Variants in CLVS1 observed in about 807,000 individuals in gnomAD.
The protein encoded by CLVS1 is clavesin-1.
A neutral mutation model predicts 33.1 loss-of-function variants in CLVS1; 10 were observed. The observed-to-expected ratio is 0.30, with a 90% CI of 0.19 to 0.51. The LOEUF (loss-of-function observed/expected upper bound fraction) is 0.51, where lower values mean the gene tolerates loss of function less well. Among genes scored for constraint, CLVS1 ranks in the 20% least tolerant of loss-of-function variants. CLVS1 has a pLI of 0.97. For missense variants in CLVS1, 343 were observed against 433.4 expected (o/e 0.79, Z 1.85); for synonymous variants, 163 against 166.1 (o/e 0.98, Z 0.14).
intron 1 of CLVS1, among the ~76,000 whole-genome samples, chr8:61,068,441 G>A (rs911100707): frequency 1.1e-4 from 16 of 151,784 alleles, no homozygotes; most frequent in African/African-American, 2.4e-4. Flanking sequence ...TGCTGGGTGC[G>A]TAGGAACCTC....
intron 2 of CLVS1, among the ~76,000 whole-genome samples, chr8:61,186,700 G>T (rs1368571883): frequency 1.3e-5 from 2 of 151,890 alleles, no homozygotes; most frequent in Non-Finnish European, 2.9e-5. Context: ...GAGGGAGAGA[G>T]AAAAAGAGAC....
At chr8:61,147,687 T>C (rs950145604) in intron 2 of CLVS1, among the ~76,000 whole-genome samples, 14 of 152,224 alleles carry the variant, frequency 9.2e-5, no homozygotes, top group African/African-American at 3.4e-4. Flanking sequence ...CTGTTTTCCA[T>C]TTAAATATTT....
rs559646174 is a variant in CLVS1, at chr8:61,480,789, G to C, written c.978-18666G>C. Among the ~76,000 whole-genome samples the C allele has an allele frequency of 2.6e-5, 4 of 152,166 alleles. No individual in the cohort carries two copies. In the South Asian group the frequency reaches 8.3e-4, roughly 32 times the overall value. On this transcript the variant is annotated intron_variant, in intron 5 of 5. Coordinates refer to ENST00000325897, the MANE Select transcript of CLVS1 (RefSeq NM_173519.3). ...GTACAGAAGGGTTTTTAGGTAAGATGATACAGACGTGCATGGGCTTGAAAT... is the reference window on the plus strand; with the variant it reads ...GTACAGAAGGGTTTTTAGGTAAGATCATACAGACGTGCATGGGCTTGAAAT...
intron 5 of CLVS1, among the ~76,000 whole-genome samples, chr8:61,495,923 G>A (rs1431965784): frequency 6.6e-6 from 1 of 152,228 alleles, no homozygotes; most frequent in African/African-American, 2.4e-5. Flanking sequence ...AATCTGGCTA[G>A]CCTTGGCTGG....
At chr8:61,386,980 A>G (rs897024395) in intron 3 of CLVS1, among the ~76,000 whole-genome samples, 3 of 152,254 alleles carry the variant, frequency 2.0e-5, no homozygotes, top group Admixed American at 6.5e-5. Flanking sequence ...TTTGAGGCCA[A>G]CTAAAGACCT....
chr8:61,227,410 C>A (rs553912099), intron 2 of CLVS1, among the ~76,000 whole-genome samples: 1 of 152,052 alleles, frequency 6.6e-6, no homozygotes, highest in South Asian at 2.1e-4. Context: ...TTGATGTACC[C>A]TGAGCTGAAA....
intron 2 of CLVS1, among the ~76,000 whole-genome samples, chr8:61,209,464 G>A (rs946782877): frequency 2.6e-5 from 4 of 152,180 alleles, no homozygotes; most frequent in African/African-American, 4.8e-5. Context: ...CCATAAGCAC[G>A]GTGACCTGCT....
chr8:61,490,859 G>A (rs1042136967), intron 5 of CLVS1, among the ~76,000 whole-genome samples: 56 of 150,184 alleles, frequency 3.7e-4, no homozygotes, highest in African/African-American at 1.3e-3. Context: ...TCTACTTGAG[G>A]CTGAAGCAGG....
chr8:61,307,070 G>A (rs1031436486), intron 2 of CLVS1, among the ~76,000 whole-genome samples: 1 of 152,200 alleles, frequency 6.6e-6, no homozygotes, highest in African/African-American at 2.4e-5. Flanking sequence ...GGTTGTTGGT[G>A]AATCCAGATA....
intron 1 of CLVS1, among the ~76,000 whole-genome samples, chr8:61,100,559 A>G (rs1194661775): frequency 6.6e-6 from 1 of 152,222 alleles, no homozygotes; most frequent in Admixed American, 6.5e-5. Flanking sequence ...AAAACAGCTT[A>G]ATTGAGATAT....
At chr8:61,377,573 A>G (rs903351153) in intron 3 of CLVS1, 4 of 152,210 alleles carry the variant, frequency 2.6e-5, no homozygotes, top group Admixed American at 2.6e-4. Context: ...ATAGGCAGCT[A>G]TGTATATAGC....
At chr8:61,480,614 C>T (rs530606512) in intron 5 of CLVS1, among the ~76,000 whole-genome samples, 24 of 152,250 alleles carry the variant, frequency 1.6e-4, no homozygotes, top group South Asian at 8.3e-4. Flanking sequence ...CGGCACTCCC[C>T]AGTGAGATGA....
At chr8:61,135,326 C>T (rs904927271) in intron 2 of CLVS1, among the ~76,000 whole-genome samples, 9 of 152,008 alleles carry the variant, frequency 5.9e-5, no homozygotes, top group Admixed American at 3.3e-4. Context: ...AAGAGTGGAG[C>T]ACTTGATTTA....
chr8:61,383,213 C>T (rs776133799), intron 3 of CLVS1, among the ~76,000 whole-genome samples: 10 of 152,214 alleles, frequency 6.6e-5, no homozygotes, highest in African/African-American at 1.4e-4. Context: ...CACCTGCCCA[C>T]GCAGTGACAC....
intron 3 of CLVS1, among the ~76,000 whole-genome samples, chr8:61,393,177 C>T (rs1049810815): frequency 6.6e-6 from 1 of 152,122 alleles, no homozygotes; most frequent in African/African-American, 2.4e-5. Context: ...CCACCACACC[C>T]GGCTGAATTC....
chr8:60,989,575 G>A, the CLVS1 span, among the ~76,000 whole-genome samples: 1 of 152,132 alleles, frequency 6.6e-6, no homozygotes, highest in Non-Finnish European at 1.5e-5. Context: ...ATGTGCTATT[G>A]CTCTAGTCTG....
chr8:61,089,186 AC>A (rs2129284040), intron 1 of CLVS1, among the ~76,000 whole-genome samples: 1 of 152,304 alleles, frequency 6.6e-6, no homozygotes, highest in African/African-American at 2.4e-5. Context: ...ATGGCTAATA[AC>A]CCTATTTTTC....
At chr8:61,452,197 T>C (rs1373251385) in intron 3 of CLVS1, among the ~76,000 whole-genome samples, 1 of 152,238 alleles carries the variant, frequency 6.6e-6, no homozygotes, top group Non-Finnish European at 1.5e-5. Context: ...CTTTGATGAT[T>C]GAGGCTTCAT....
At chr8:61,087,911 C>A (rs1805155192) in intron 1 of CLVS1, among the ~76,000 whole-genome samples, 1 of 152,158 alleles carries the variant, frequency 6.6e-6, no homozygotes, top group South Asian at 2.1e-4. Context: ...CCTTAAAGTT[C>A]CCTGTGGGCT....
Sources: gnomAD v4.1 joint callset for allele counts (sites outside exome capture counted in the v4.1 genomes callset) on GRCh38, gnomAD v4.1.1 for gene constraint, MANE v1.5 for transcripts, NCBI Gene and HGNC (gene_info 2026-07-23, HGNC 2026-07-21) for gene names.